Variants in PRKD1 observed in about 807,000 individuals in gnomAD.
PRKD1 encodes the protein serine/threonine-protein kinase D1.
Under a neutral mutation model 95.9 loss-of-function variants are expected in PRKD1, and 63 were observed. The ratio of observed to expected loss-of-function variants is 0.66; its 90% CI spans 0.54 to 0.81. The LOEUF is 0.81. Among genes scored for constraint, PRKD1 ranks in the 30% least tolerant of loss-of-function variants. The pLI is 0.00. For missense variants in PRKD1, 1,048 were observed against 1,165.3 expected (o/e 0.90, Z 1.47); for synonymous variants, 425 against 423.1 (o/e 1.00, Z -0.05).
intron 1 of PRKD1, among the ~76,000 whole-genome samples, chr14:29,733,085 A>C (rs184169913): frequency 1.4e-4 from 20 of 145,822 alleles, no homozygotes; most frequent in Admixed American, 9.6e-4. Context: ...TTCTTTTTTT[A>C]TTTTTTTAAT....
intron 1 of PRKD1, among the ~76,000 whole-genome samples, chr14:29,834,457 T>C (rs1301525272): frequency 6.6e-6 from 1 of 152,144 alleles, no homozygotes. Context: ...CTTTTTTTCA[T>C]TAACCCAAGT....
intron 1 of PRKD1, among the ~76,000 whole-genome samples, chr14:29,766,661 A>G (rs1888273096): frequency 6.6e-6 from 1 of 152,196 alleles, no homozygotes; most frequent in Admixed American, 6.5e-5. Context: ...TCTTTTTAAA[A>G]TGTATTTGGA....
intron 1 of PRKD1, among the ~76,000 whole-genome samples, chr14:29,844,527 G>A (rs550505408): frequency 2.8e-4 from 42 of 152,098 alleles, no homozygotes; most frequent in East Asian, 1.9e-4. Context: ...GAGCACATAC[G>A]ATGAGCCAAA....
At chr14:29,612,725 G>C (rs7144568) in intron 13 of PRKD1, among the ~76,000 whole-genome samples, 146,038 of 152,306 alleles carry the variant, frequency 0.96, 70,088 homozygotes, top group Non-Finnish European at 0.98. Context: ...AACCTATACA[G>C]TTTATTTTGG....
At chr14:29,697,547 C>G (rs1372347443) in intron 2 of PRKD1, among the ~76,000 whole-genome samples, 1 of 152,188 alleles carries the variant, frequency 6.6e-6, no homozygotes, top group Non-Finnish European at 1.5e-5. Flanking sequence ...AGGACAGTCA[C>G]TGCTTAGCAG....
chr14:29,760,786 C>G (rs1887941997), intron 1 of PRKD1, among the ~76,000 whole-genome samples: 1 of 152,080 alleles, frequency 6.6e-6, no homozygotes, highest in African/African-American at 2.4e-5. Flanking sequence ...TTTTCTAAAC[C>G]CTTTTAAACA....
chr14:29,614,787 C>T (rs1219476122), intron 13 of PRKD1, among the ~76,000 whole-genome samples: 1 of 151,664 alleles, frequency 6.6e-6, no homozygotes, highest in Non-Finnish European at 1.5e-5. Flanking sequence ...CAACCTCTGC[C>T]TCCAAGGTTC....
At chr14:29,888,588 G>T (rs1893823032) in intron 1 of PRKD1, among the ~76,000 whole-genome samples, 1 of 152,174 alleles carries the variant, frequency 6.6e-6, no homozygotes, top group African/African-American at 2.4e-5. Context: ...CAAATCCGAA[G>T]TGGTACTTGA....
intron 1 of PRKD1, among the ~76,000 whole-genome samples, chr14:29,755,376 C>A (rs1157377933): frequency 4.6e-5 from 7 of 152,126 alleles, no homozygotes; most frequent in Admixed American, 4.6e-4. Context: ...TTGTACCTCA[C>A]ATTTTCTAAA....
chr14:29,659,476 A>G (rs1566520360), intron 4 of PRKD1, among the ~76,000 whole-genome samples: 1 of 152,112 alleles, frequency 6.6e-6, no homozygotes, highest in South Asian at 2.1e-4. Context: ...CCTATTGTAT[A>G]TATACCTGGA....
chr14:29,751,266 G>A (rs1041069985), intron 1 of PRKD1: 1 of 152,148 alleles, frequency 6.6e-6, no homozygotes, highest in African/African-American at 2.4e-5. Flanking sequence ...CTTTGAAAAA[G>A]CCTGAAAACT....
intron 2 of PRKD1, among the ~76,000 whole-genome samples, chr14:29,722,181 C>G (rs974980969): frequency 6.6e-6 from 1 of 152,058 alleles, no homozygotes; most frequent in African/African-American, 2.4e-5. Flanking sequence ...ATGTTTACAT[C>G]AAACTACAGA....
chr14:29,751,785 G>C (rs1253067896), intron 1 of PRKD1, among the ~76,000 whole-genome samples: 2 of 152,128 alleles, frequency 1.3e-5, no homozygotes, highest in Non-Finnish European at 2.9e-5. Flanking sequence ...CATGTGATTT[G>C]CTTTGGCTAA....
chr14:29,656,654 A>C (rs548489327), intron 4 of PRKD1, among the ~76,000 whole-genome samples: 1 of 152,364 alleles, frequency 6.6e-6, no homozygotes, highest in East Asian at 1.9e-4. Flanking sequence ...ATGTTATACT[A>C]AACAGTCTTT....
intron 1 of PRKD1, among the ~76,000 whole-genome samples, chr14:29,909,610 T>C (rs1011264760): frequency 5.3e-5 from 8 of 152,136 alleles, no homozygotes; most frequent in Admixed American, 1.3e-4. Flanking sequence ...TGGTGGGGAC[T>C]TGGAGAACCT....
intron 13 of PRKD1, among the ~76,000 whole-genome samples, chr14:29,603,542 AT>A (rs1157581476): frequency 6.6e-6 from 1 of 152,192 alleles, no homozygotes; most frequent in Non-Finnish European, 1.5e-5. Flanking sequence ...CTCCATTTTC[AT>A]GTGTAATTAT....
chr14:29,725,706 G>A (rs778600691), intron 1 of PRKD1, 32 bp from the exon 2 acceptor site: 8 of 1,592,946 alleles, frequency 5.0e-6, no homozygotes, highest in African/African-American at 1.3e-5. Context: ...GAGTGTAAAT[G>A]TCAAAATCCT....
intron 1 of PRKD1, among the ~76,000 whole-genome samples, chr14:29,842,951 T>C (rs991153506): frequency 2.0e-5 from 3 of 152,062 alleles, no homozygotes; most frequent in Non-Finnish European, 4.4e-5. Context: ...AAAAGTGAAA[T>C]GGTAAACAAA....
intron 1 of PRKD1, among the ~76,000 whole-genome samples, chr14:29,734,055 T>C (rs1886595267): frequency 1.5e-5 from 1 of 66,678 alleles, no homozygotes; most frequent in Admixed American, 2.0e-4. Flanking sequence ...TTTTTTTTTT[T>C]TTTTTGAGTC....
Sources: allele counts gnomAD v4.1 joint callset (sites outside exome capture counted in the v4.1 genomes callset), GRCh38; gene constraint gnomAD v4.1.1; transcripts MANE v1.5; gene names NCBI Gene and HGNC (gene_info 2026-07-23, HGNC 2026-07-21).